The following PTPRB variants were observed in gnomAD, a reference collection of about 807,000 sequenced individuals.
The protein encoded by PTPRB is receptor-type tyrosine-protein phosphatase beta.
A neutral mutation model predicts 238.1 loss-of-function variants in PTPRB; 97 were observed. That is an observed-to-expected ratio of 0.41 (90% CI 0.35 to 0.48). The LOEUF is 0.48. Ranked by LOEUF, PTPRB falls within the 20% of genes least tolerant of loss-of-function variation. PTPRB has a pLI of 0.30. For synonymous variants in PTPRB, 970 were observed against 995.4 expected (o/e 0.97, Z 0.48); for missense variants, 2,292 against 2,681.9 (o/e 0.85, Z 3.21).
intron 6 of PTPRB, among the ~76,000 whole-genome samples, chr12:70,593,494 C>A (rs1381138534): frequency 1.1e-5 from 1 of 88,298 alleles, no homozygotes. Context: ...GCCCAGCCAA[C>A]AAGAGCAAAA....
intron 33 of PTPRB, chr12:70,522,704 C>CA (rs1555219422): frequency 7.9e-6 from 1 of 127,000 alleles, no homozygotes; most frequent in East Asian, 2.8e-4. Context: ...TTATAAAATA[C>CA]AAAAAAATAG....
intron 31 of PTPRB, among the ~76,000 whole-genome samples, 168 bp downstream of exon 31, chr12:70,534,320 G>T (rs1873753847): frequency 6.6e-6 from 1 of 152,176 alleles, no homozygotes; most frequent in Admixed American, 6.5e-5. Flanking sequence ...GAGAAATGAT[G>T]TTGGCAGAAG....
At chr12:70,559,820 C>A (rs12817462) in intron 17 of PTPRB, among the ~76,000 whole-genome samples, 196 bp from the exon 18 acceptor site, 27,613 of 123,284 alleles carry the variant, frequency 0.22, 2,694 homozygotes, top group South Asian at 0.34. Flanking sequence ...ATTTTATGTA[C>A]TTTTTTTTTT....
intron 10 of PTPRB, 89 bp downstream of exon 10, chr12:70,580,947 G>C: frequency 7.0e-7 from 1 of 1,420,366 alleles, no homozygotes; most frequent in Non-Finnish European, 9.5e-7. Flanking sequence ...GGATGAGTCT[G>C]ATTTTAGGAT....
At chr12:70,572,477 A>G (rs367730242) in intron 11 of PTPRB, among the ~76,000 whole-genome samples, 2 of 152,022 alleles carry the variant, frequency 1.3e-5, no homozygotes, top group East Asian at 1.9e-4. Context: ...GCCCCCCTCA[A>G]AAAAATGAGG....
At chr12:70,527,213 T>G (rs1410707125) in intron 32 of PTPRB, among the ~76,000 whole-genome samples, 5 of 152,202 alleles carry the variant, frequency 3.3e-5, no homozygotes, top group Admixed American at 2.6e-4. Context: ...AACAAATACC[T>G]ATAAGATGCT....
intron 6 of PTPRB, 108 bp from the exon 7 acceptor site, chr12:70,592,653 G>A: frequency 8.3e-7 from 1 of 1,205,916 alleles, no homozygotes; most frequent in Non-Finnish European, 1.2e-6. Flanking sequence ...TCCTTGCTCT[G>A]GAGAAAACAA....
chr12:70,569,637 C>T, intron 14 of PTPRB, 38 bp downstream of exon 14: 1 of 1,609,178 alleles, frequency 6.2e-7, no homozygotes, highest in South Asian at 1.1e-5. Flanking sequence ...AACCATGAGG[C>T]ATTCTACAAT....
chr12:70,621,020 G>A (rs1372558), intron 3 of PTPRB, among the ~76,000 whole-genome samples: 7,912 of 152,238 alleles, frequency 0.052, 252 homozygotes, highest in African/African-American at 0.086. Flanking sequence ...AATTTTTAAA[G>A]AAGTTTAGTT....
At chr12:70,583,726 A>G (rs1378886317) in intron 9 of PTPRB, among the ~76,000 whole-genome samples, 1 of 152,184 alleles carries the variant, frequency 6.6e-6, no homozygotes, top group East Asian at 1.9e-4. Flanking sequence ...TGATCAAAGA[A>G]CCTAAAGTTG....
At position 70,539,384 on chromosome 12, in the gene PTPRB, TTACTA is replaced by T. The variant is rs1345038340; in HGVS notation, c.5778+236_5778+240del. 3 of 558,178 alleles carry T rather than the reference TTACTA, an allele frequency of 5.4e-6. No individual in the cohort carries two copies. In the East Asian group the frequency reaches 8.7e-5, roughly 16 times the overall value. 34.6% of individuals were successfully genotyped at this position (558,178 alleles called of 1,614,324 possible). A position where few individuals can be genotyped will look rare whatever the true frequency, so the allele number is the denominator to read the frequency against. Reference sequence around the variant, plus strand: ...GCATTTGAGATTTGTTAATTCTTCCTTACTATCTGATCCAGGTAGCCCTTGGTTTG... The same window carrying T: ...GCATTTGAGATTTGTTAATTCTTCCTTCTGATCCAGGTAGCCCTTGGTTTG... On this transcript the variant is annotated intron_variant, in intron 26 of 33. Coordinates refer to ENST00000334414, the MANE Select transcript of PTPRB (RefSeq NM_001109754.4).
chr12:70,545,862 A>G (rs562252091), intron 21 of PTPRB, among the ~76,000 whole-genome samples: 1 of 152,280 alleles, frequency 6.6e-6, no homozygotes, highest in Admixed American at 6.5e-5. Flanking sequence ...ACAGGCTGGG[A>G]GCGGTGGCTC....
In PTPRB at chr12:70,539,695, A is replaced by G. The variant is rs1244559307; in HGVS notation, c.5708T>C (p.Ile1903Thr). The G allele has an allele frequency of 6.2e-6, 10 of 1,600,726 alleles. No homozygotes were observed. In the Admixed American group the frequency reaches 1.4e-4, roughly 22 times the overall value. ...CATGAAATGCCCTTCAAACTGATTT[A>G]TTTTTATTGGACTGTAATTAAAAAT... ...GNRKTSCPIK[I>T]NQFEGHFMKL... Residue 1903 changes from isoleucine to threonine, a missense_variant, in exon 26 of 34, where the codon ATA (isoleucine) becomes ACA (threonine). Ile to Thr is a moderately conservative substitution (Grantham distance 89, BLOSUM62 -1). This residue lies in a region of PTPRB where 397 missense variants were observed against 502.0 expected (regional missense o/e 0.79). Transcript: ENST00000334414.
intron 11 of PTPRB, among the ~76,000 whole-genome samples, chr12:70,573,331 G>T (rs768014168): frequency 3.9e-5 from 6 of 152,088 alleles, no homozygotes; most frequent in Non-Finnish European, 7.4e-5. Context: ...ACCTTTGAGT[G>T]AATTCACGAG....
At chr12:70,609,613 C>G in intron 3 of PTPRB, 1 of 911,620 alleles carries the variant, frequency 1.1e-6, no homozygotes, top group Non-Finnish European at 1.7e-6. Flanking sequence ...GGGGGGCTCA[C>G]CAGAGGATCA....
At chr12:70,633,914 T>C (rs895476685) in intron 2 of PTPRB, among the ~76,000 whole-genome samples, 7 of 152,138 alleles carry the variant, frequency 4.6e-5, no homozygotes, top group Non-Finnish European at 8.8e-5. Context: ...TCACTTCTTG[T>C]GTAAAACAGT....
intron 4 of PTPRB, among the ~76,000 whole-genome samples, chr12:70,597,170 C>T (rs1377070699): frequency 6.6e-6 from 1 of 152,104 alleles, no homozygotes; most frequent in Non-Finnish European, 1.5e-5. Context: ...GATCTGCCCG[C>T]CTCAGCTTCC....
chr12:70,565,808 G>A (rs767791875), intron 15 of PTPRB, among the ~76,000 whole-genome samples: 2 of 152,106 alleles, frequency 1.3e-5, no homozygotes, highest in Non-Finnish European at 2.9e-5. Context: ...ACCTTCTGTG[G>A]CAAAAAGGGC....
At chr12:70,607,775 A>T (rs1884082244) in intron 4 of PTPRB, among the ~76,000 whole-genome samples, 1 of 150,876 alleles carries the variant, frequency 6.6e-6, no homozygotes, top group Admixed American at 6.6e-5. Context: ...GTGGTCTTGA[A>T]CTCCTGACCT....
Sources: allele counts gnomAD v4.1 joint callset (sites outside exome capture counted in the v4.1 genomes callset), GRCh38; gene constraint gnomAD v4.1.1; regional missense constraint gnomAD v4.1.1; transcripts MANE v1.5; gene names NCBI Gene and HGNC (gene_info 2026-07-23, HGNC 2026-07-21).